DPYD: variants seen among roughly 807,000 people sequenced by gnomAD.
The protein encoded by DPYD is dihydropyrimidine dehydrogenase [NADP(+)].
A neutral mutation model predicts 116.2 loss-of-function variants in DPYD; 109 were observed. The observed-to-expected ratio is 0.94, with a 90% CI of 0.80 to 1.10. DPYD has a LOEUF of 1.10. Among genes scored for constraint, DPYD ranks in the 50% least tolerant of loss-of-function variants. DPYD has a pLI of 0.00. For missense variants in DPYD, 1,302 were observed against 1,254.5 expected (o/e 1.04, Z -0.57); for synonymous variants, 440 against 432.0 (o/e 1.02, Z -0.23).
intron 6 of DPYD, among the ~76,000 whole-genome samples, chr1:97,692,080 T>C (rs1266266795): frequency 1.3e-5 from 2 of 152,066 alleles, no homozygotes; most frequent in Admixed American, 1.3e-4. Flanking sequence ...TTTCAATACT[T>C]TTAAGTTCAA....
At chr1:97,482,410 C>T (rs1678373065) in intron 13 of DPYD, among the ~76,000 whole-genome samples, 1 of 152,128 alleles carries the variant, frequency 6.6e-6, no homozygotes, top group Non-Finnish European at 1.5e-5. Flanking sequence ...TAAGTATTGA[C>T]TGACATCATT....
chr1:97,894,748 A>G (rs1672966026), intron 1 of DPYD, among the ~76,000 whole-genome samples: 2 of 151,658 alleles, frequency 1.3e-5, no homozygotes, highest in African/African-American at 4.8e-5. Flanking sequence ...AAATGCAAAC[A>G]CTTATAAAGA....
intron 16 of DPYD, among the ~76,000 whole-genome samples, chr1:97,314,821 G>T (rs1205780342): frequency 6.6e-6 from 1 of 151,966 alleles, no homozygotes; most frequent in Non-Finnish European, 1.5e-5. Context: ...AAGTTTGAGA[G>T]GTACCTGCCC....
intron 1 of DPYD, among the ~76,000 whole-genome samples, chr1:97,903,006 T>C (rs1202593781): frequency 1.3e-5 from 2 of 151,904 alleles, no homozygotes; most frequent in African/African-American, 2.4e-5. Context: ...ATGATAAATA[T>C]TGCATCGTAA....
At chr1:97,508,470 C>T (rs139377294) in intron 13 of DPYD, among the ~76,000 whole-genome samples, 43 of 152,020 alleles carry the variant, frequency 2.8e-4, no homozygotes, top group African/African-American at 9.2e-4. Context: ...AATCAAAATG[C>T]TCTCTTGTAT....
At chr1:97,616,061 C>T (rs1656247617) in intron 8 of DPYD, among the ~76,000 whole-genome samples, 1 of 152,084 alleles carries the variant, frequency 6.6e-6, no homozygotes, top group Non-Finnish European at 1.5e-5. Context: ...AGATTCCTAC[C>T]ATGTGTTCCT....
chr1:97,526,536 A>G (rs1649112219), intron 12 of DPYD, among the ~76,000 whole-genome samples: 1 of 152,198 alleles, frequency 6.6e-6, no homozygotes, highest in African/African-American at 2.4e-5. Flanking sequence ...AATCCCTCCA[A>G]GAAATTACAC....
intron 16 of DPYD, among the ~76,000 whole-genome samples, chr1:97,345,899 T>G (rs1303201340): frequency 1.3e-5 from 2 of 151,946 alleles, no homozygotes; most frequent in African/African-American, 4.8e-5. Flanking sequence ...TTTAATGATT[T>G]TTTTTACAAG....
chr1:97,832,675 A>G (rs993887960), intron 2 of DPYD, among the ~76,000 whole-genome samples: 1 of 152,158 alleles, frequency 6.6e-6, no homozygotes, highest in African/African-American at 2.4e-5. Context: ...TAGAAACTGG[A>G]AACTAAGCAT....
chr1:97,354,476 G>A lies in DPYD; in HGVS notation c.2058+19085C>T, dbSNP rs150669555. 7.5e-3 allele frequency among the ~76,000 whole-genome samples: 1,145 copies of A among 152,224 alleles called. 18 individuals carry two copies. The highest frequency in any genetic ancestry group is 0.026 in the African/African-American group (1,093 of 41,536). On this transcript the variant is annotated intron_variant, in intron 16 of 22. Transcript: ENST00000370192. The stretch of plus-strand genomic sequence containing the variant: ...AAAGATAAAATATTTTGAAAAAGAT[G>A]GTCCAGATCACAGAAAATTGTTAAT...
intron 10 of DPYD, among the ~76,000 whole-genome samples, chr1:97,575,439 A>C (rs948032098): frequency 6.6e-6 from 1 of 152,164 alleles, no homozygotes; most frequent in Non-Finnish European, 1.5e-5. Flanking sequence ...AGATACTCCC[A>C]AAAAGGGTAA....
At chr1:97,506,290 A>G (rs1647325639) in intron 13 of DPYD, among the ~76,000 whole-genome samples, 1 of 151,956 alleles carries the variant, frequency 6.6e-6, no homozygotes, top group South Asian at 2.1e-4. Flanking sequence ...AAAAAGCAAT[A>G]AAGAAAATAC....
chr1:97,502,437 G>A (rs186033919), intron 13 of DPYD, among the ~76,000 whole-genome samples: 2 of 152,116 alleles, frequency 1.3e-5, no homozygotes, highest in African/African-American at 4.8e-5. Context: ...AGGTAAAGTA[G>A]AATGAGATGA....
At chr1:97,529,914 T>A (rs928720496) in intron 12 of DPYD, among the ~76,000 whole-genome samples, 8 of 151,158 alleles carry the variant, frequency 5.3e-5, no homozygotes, top group African/African-American at 1.9e-4. Flanking sequence ...CCTTCTTTTC[T>A]TTTCTTTCTC....
intron 5 of DPYD, chr1:97,700,338 T>C (rs1184910321): frequency 2.9e-5 from 13 of 452,890 alleles, no homozygotes; most frequent in Admixed American, 2.6e-4. Context: ...GTGAGATTAA[T>C]TCTTAAAGTG....
intron 2 of DPYD, among the ~76,000 whole-genome samples, chr1:97,867,023 G>C (rs1382288024): frequency 6.6e-6 from 1 of 151,714 alleles, no homozygotes; most frequent in East Asian, 1.9e-4. Context: ...ATCTATTTTA[G>C]GTTTCAAAAT....
chr1:97,624,897 G>T (rs575504983), intron 8 of DPYD, among the ~76,000 whole-genome samples: 1 of 151,954 alleles, frequency 6.6e-6, no homozygotes, highest in African/African-American at 2.4e-5. Context: ...CTTGGATGTC[G>T]AATCTGAAAC....
intron 18 of DPYD, among the ~76,000 whole-genome samples, chr1:97,254,396 G>A (rs955075390): frequency 8.6e-5 from 13 of 152,030 alleles, no homozygotes; most frequent in Non-Finnish European, 1.5e-4. Flanking sequence ...AGTTACGAAA[G>A]CATTTAACTG....
intron 14 of DPYD, among the ~76,000 whole-genome samples, chr1:97,439,771 GCT>G (rs1222254488): frequency 6.6e-6 from 1 of 151,212 alleles, no homozygotes; most frequent in Non-Finnish European, 1.5e-5. Context: ...GGTTCAATCT[GCT>G]CTTTTTTTAG....
Sources: gnomAD v4.1 joint callset for allele counts (sites outside exome capture counted in the v4.1 genomes callset) on GRCh38, gnomAD v4.1.1 for gene constraint, MANE v1.5 for transcripts, NCBI Gene and HGNC (gene_info 2026-07-23, HGNC 2026-07-21) for gene names.